IGSF10: variants seen among roughly 807,000 people sequenced by gnomAD.
IGSF10 encodes the protein immunoglobulin superfamily member 10, also known as calvaria mechanical force protein 608.
In IGSF10, 126 loss-of-function variants were observed where a neutral mutation model predicts 128.2. The ratio of observed to expected loss-of-function variants is 0.98; its 90% CI spans 0.85 to 1.14. The LOEUF (loss-of-function observed/expected upper bound fraction) is 1.14. Ranked by LOEUF, IGSF10 falls within the 50% of genes most tolerant of loss-of-function variation. The pLI is 0.00. For missense variants in IGSF10, 3,295 were observed against 3,149.8 expected (o/e 1.05, Z -1.10); for synonymous variants, 1,185 against 1,146.2 (o/e 1.03, Z -0.68).
At chr3:151,587,211 G>A in the IGSF10 span, among the ~76,000 whole-genome samples, 7 of 152,132 alleles carry the variant, frequency 4.6e-5, no homozygotes, top group African/African-American at 1.7e-4. Flanking sequence ...CATGGTTCCT[G>A]CATTCAGGGA....
chr3:151,606,826 C>G, the IGSF10 span, among the ~76,000 whole-genome samples: 1 of 152,104 alleles, frequency 6.6e-6, no homozygotes, highest in South Asian at 2.1e-4. Context: ...TTTTAAGTTT[C>G]TCTCTGTGAT....
Position 151,445,396 on chromosome 3 carries a change from G to C in IGSF10, c.4585C>G (p.His1529Asp). The C allele has an allele frequency of 1.9e-6, 3 of 1,614,236 alleles. No homozygotes were observed. The highest frequency in any genetic ancestry group is 2.5e-6 in the Non-Finnish European group (3 of 1,180,040). ...VAEVATSPKVHPNAKFTIGTT... is the reference protein window; with the variant it reads ...VAEVATSPKVDPNAKFTIGTT... ...CCAATTGTGAACTTGGCATTTGGGT[G>C]AACCTTGGGGGATGTTGCAACCTCT... is the stretch of plus-strand genomic sequence containing the variant. Residue 1529 changes from histidine to aspartate, a missense_variant, in exon 6 of 8, where the codon CAC (histidine) becomes GAC (aspartate). Transcript: ENST00000282466.
chr3:151,539,994 GT>G, the IGSF10 span, among the ~76,000 whole-genome samples: 1 of 152,088 alleles, frequency 6.6e-6, no homozygotes, highest in East Asian at 1.9e-4. Context: ...ACCTAAATAA[GT>G]TTTTCATCCC....
the IGSF10 span, among the ~76,000 whole-genome samples, chr3:151,527,088 A>G: frequency 6.6e-6 from 1 of 152,284 alleles, no homozygotes; most frequent in East Asian, 1.9e-4. Flanking sequence ...TTTTTTCCCT[A>G]TTCCATTGGC....
the IGSF10 span, among the ~76,000 whole-genome samples, chr3:151,511,559 A>G: frequency 2.6e-5 from 4 of 152,196 alleles, no homozygotes; most frequent in African/African-American, 9.6e-5. Flanking sequence ...TGCATCAACT[A>G]ATGAGCAAAA....
chr3:151,540,953 C>T, the IGSF10 span, among the ~76,000 whole-genome samples: 7 of 152,102 alleles, frequency 4.6e-5, no homozygotes, highest in African/African-American at 1.7e-4. Context: ...GAACAACCAT[C>T]TACATTTTAA....
chr3:151,551,746 TTTAA>T, the IGSF10 span, among the ~76,000 whole-genome samples: 4 of 152,042 alleles, frequency 2.6e-5, no homozygotes, highest in African/African-American at 7.2e-5. Context: ...ATTAAAATAT[TTTAA>T]TTAATTTAAG....
At position 151,443,089 on chromosome 3, in the gene IGSF10, A is replaced by G. The variant is rs1720954575; in HGVS notation, c.5858T>C (p.Val1953Ala). ...IEAASQKRTE[V>A]NFGDKLLLNC... The stretch of plus-strand genomic sequence containing the variant: ...CAGTAGTAATTTGTCCCCAAAATTC[A>G]CTTCAGTCCTTTTCTGGGATGCAGC... The change falls in exon 7 of 8, where the codon GTG becomes GCG. Residue 1953 changes from valine to alanine, a missense_variant. Physicochemically the swap from Val to Ala is moderately conservative, Grantham distance 64. Coordinates refer to ENST00000282466, the MANE Select transcript of IGSF10 (RefSeq NM_178822.5). 1.9e-6 allele frequency: 3 copies of G among 1,614,072 alleles called. No individual in the cohort carries two copies. Among genetic ancestry groups the G allele is most frequent in the Non-Finnish European group, 2.5e-6 (3 of 1,180,046 alleles).
the IGSF10 span, among the ~76,000 whole-genome samples, chr3:151,587,271 TCTC>T: frequency 2.8e-4 from 43 of 152,270 alleles, no homozygotes; most frequent in African/African-American, 9.4e-4. Context: ...GTCAGAATTT[TCTC>T]CTAACACAGA....
chr3:151,509,357 A>G, the IGSF10 span, among the ~76,000 whole-genome samples: 3 of 152,358 alleles, frequency 2.0e-5, no homozygotes, highest in African/African-American at 7.2e-5. Flanking sequence ...ATCAGTTATC[A>G]GTGCTATACA....
chr3:151,610,836 T>A, the IGSF10 span, among the ~76,000 whole-genome samples: 1 of 152,168 alleles, frequency 6.6e-6, no homozygotes, highest in Non-Finnish European at 1.5e-5. Context: ...AAACTTATCC[T>A]TGTATAGGAC....
chr3:151,596,208 G>GT, the IGSF10 span, among the ~76,000 whole-genome samples: 1 of 152,256 alleles, frequency 6.6e-6, no homozygotes, highest in Middle Eastern at 3.4e-3. Context: ...TTTAAAAACA[G>GT]TAACATAAAG....
chr3:151,483,646 G>T, the IGSF10 span, among the ~76,000 whole-genome samples: 3 of 152,118 alleles, frequency 2.0e-5, no homozygotes, highest in Non-Finnish European at 4.4e-5. Context: ...TGGACAATAG[G>T]TGCAGCCCAA....
the IGSF10 span, among the ~76,000 whole-genome samples, chr3:151,488,154 C>A: frequency 6.6e-6 from 1 of 152,184 alleles, no homozygotes; most frequent in Admixed American, 6.5e-5. Flanking sequence ...AATCAATGTG[C>A]AAAAATCACA....
the IGSF10 span, among the ~76,000 whole-genome samples, chr3:151,511,305 A>G: frequency 2.6e-5 from 4 of 152,228 alleles, no homozygotes; most frequent in Admixed American, 2.6e-4. Flanking sequence ...AGTGGGGGCC[A>G]ATATTCAACA....
the IGSF10 span, among the ~76,000 whole-genome samples, chr3:151,504,732 T>C: frequency 2.6e-5 from 4 of 152,336 alleles, no homozygotes; most frequent in East Asian, 7.7e-4. Flanking sequence ...ATACAGACTG[T>C]AGTCTACTCT....
the IGSF10 span, among the ~76,000 whole-genome samples, chr3:151,611,782 G>A: frequency 3.3e-5 from 5 of 152,108 alleles, no homozygotes; most frequent in Non-Finnish European, 7.4e-5. Context: ...TTTGCTGCTT[G>A]TATTTTAACC....
In IGSF10 at chr3:151,436,362, G is replaced by A; in HGVS notation, c.*327C>T. The A allele has an allele frequency of 4.7e-6, 1 of 212,284 alleles. No homozygotes were observed. 13.2% of individuals were successfully genotyped at this position (212,284 alleles called of 1,614,324 possible). A position where few individuals can be genotyped will look rare whatever the true frequency, so the allele number is the denominator to read the frequency against. On this transcript the variant is annotated 3_prime_UTR_variant, in exon 8 of 8. Transcript: ENST00000282466. ...GATAGGAGGTGGACACTAGGCAACT[G>A]GTATTAGAAGTTCATTTTTTTACTG...
At chr3:151,456,408 T>G (rs1193921845) in intron 4 of IGSF10, among the ~76,000 whole-genome samples, 1 of 152,248 alleles carries the variant, frequency 6.6e-6, no homozygotes, top group Non-Finnish European at 1.5e-5. Context: ...GTTTAAGTTT[T>G]AATAGATGTC....
Sources: gnomAD v4.1 joint callset for allele counts (sites outside exome capture counted in the v4.1 genomes callset) on GRCh38, gnomAD v4.1.1 for gene constraint, MANE v1.5 for transcripts, NCBI Gene and HGNC (gene_info 2026-07-23, HGNC 2026-07-21) for gene names.